SEMA4F: variants seen among roughly 807,000 people sequenced by gnomAD.
SEMA4F encodes semaphorin-4F.
Under a neutral mutation model 78.4 loss-of-function variants are expected in SEMA4F, and 51 were observed. That is an observed-to-expected ratio of 0.65 (90% CI 0.52 to 0.82). The LOEUF (loss-of-function observed/expected upper bound fraction) is 0.82. Ranked by LOEUF, SEMA4F falls within the 40% of genes least tolerant of loss-of-function variation. The probability of loss-of-function intolerance (pLI) is 0.00; values close to 1 mark genes in which losing one functional copy is unlikely to be tolerated. For missense variants in SEMA4F, 938 were observed against 1,014.4 expected, an observed-to-expected ratio of 0.92 and a Z score of 1.02; for synonymous variants, 418 against 408.7, an observed-to-expected ratio of 1.02 and a Z score of -0.27.
At chr2:74,670,497 A>G (rs539864018) in intron 5 of SEMA4F, among the ~76,000 whole-genome samples, 11 of 152,264 alleles carry the variant, frequency 7.2e-5, no homozygotes, top group Admixed American at 4.6e-4. Flanking sequence ...TGACTCCCAC[A>G]TTGGTCACTT....
rs141648593 is a variant in SEMA4F at position 74,680,554 on chromosome 2, T to C, written c.*345T>C. 1,793 of 192,388 alleles carry C rather than the reference T, an allele frequency of 9.3e-3. 10 individuals carry two copies. Among genetic ancestry groups the C allele is most frequent in the Non-Finnish European group, 0.013 (1,220 of 94,268 alleles). 11.9% of individuals were successfully genotyped at this position (192,388 alleles called of 1,614,324 possible). On this transcript the variant is annotated 3_prime_UTR_variant, in exon 14 of 14. Coordinates refer to ENST00000357877, the MANE Select transcript of SEMA4F (RefSeq NM_004263.5). ...GCATAGCTATGACTTTGCTTTCTGG[T>C]TGGAGCCTGGCCGGAAGGAAGAGCC...
chr2:74,693,523 A>G, the SEMA4F span, among the ~76,000 whole-genome samples: 1 of 152,186 alleles, frequency 6.6e-6, no homozygotes, highest in African/African-American at 2.4e-5. Context: ...AGAGGATAGG[A>G]TGGATGTTGA....
rs757298460 is a variant in SEMA4F at position 74,654,464 on chromosome 2, G to A, written c.88G>A (p.Gly30Ser). ...FPLLLLAVLS[G>S]PVSGRVPRSV... is the part of the protein sequence containing the mutation. ...GCTACTGCTGCTGGCGGTGCTGAGCGGCCCGGTATCCGGCCGCGTCCCCCG... is the reference window on the plus strand; with the variant it reads ...GCTACTGCTGCTGGCGGTGCTGAGCAGCCCGGTATCCGGCCGCGTCCCCCG... The change falls in exon 1 of 14, where the codon GGC becomes AGC. Residue 30 changes from glycine to serine, a missense_variant. Coordinates refer to ENST00000357877, the MANE Select transcript of SEMA4F (RefSeq NM_004263.5). 3 of 1,573,742 alleles carry A rather than the reference G, an allele frequency of 1.9e-6. No individual in the cohort carries two copies. The highest frequency in any genetic ancestry group is 2.6e-6 in the Non-Finnish European group (3 of 1,164,892).
At chr2:74,675,475 A>C in intron 10 of SEMA4F, 50 bp from the exon 11 acceptor site, 1 of 1,596,408 alleles carries the variant, frequency 6.3e-7, no homozygotes, top group Non-Finnish European at 8.6e-7. Flanking sequence ...TCTGAGTCCC[A>C]GGCACAGGGG....
intron 5 of SEMA4F, among the ~76,000 whole-genome samples, chr2:74,670,186 C>G (rs913885765): frequency 2.6e-5 from 4 of 152,160 alleles, no homozygotes; most frequent in African/African-American, 9.7e-5. Flanking sequence ...ATCACAATCA[C>G]AATATTTGGA....
chr2:74,683,790 T>A lies in SEMA4F; in HGVS notation c.*3581T>A, dbSNP rs1395887422. 1 of 152,160 alleles carries A rather than the reference T, an allele frequency of 6.6e-6. No individual in the cohort carries two copies. The highest frequency in any genetic ancestry group is 1.9e-4 in the East Asian group (1 of 5,198). The allele number at this position is 152,160 out of a possible 1,614,324, so 9.4% of individuals were successfully genotyped here. On this transcript the variant is annotated 3_prime_UTR_variant, in exon 14 of 14. Transcript: ENST00000357877. Reference sequence around the variant, plus strand: ...GGCTGAGATCAAATATCTCATCAGATGACTGGATGCTTAGAATCGGGTTAA... The same window carrying A: ...GGCTGAGATCAAATATCTCATCAGAAGACTGGATGCTTAGAATCGGGTTAA...
At chr2:74,707,962 T>C in the SEMA4F span, among the ~76,000 whole-genome samples, 21 of 152,052 alleles carry the variant, frequency 1.4e-4, no homozygotes, top group Admixed American at 1.4e-3. Context: ...TCTGCGAGGA[T>C]TAGAAGCAGC....
chr2:74,679,693 C>T lies in SEMA4F; in HGVS notation c.1797C>T (p.His599=). The T allele has an allele frequency of 3.1e-6, 5 of 1,614,048 alleles. No homozygotes were observed. The South Asian group carries it at 4.4e-5, about 14-fold the overall frequency. Residue 599 remains histidine, a synonymous_variant, in exon 14 of 14, where the codon CAC becomes CAT. Coordinates refer to ENST00000357877, the MANE Select transcript of SEMA4F (RefSeq NM_004263.5). ...CAGCATGGGCATCCTGTGTGTGGCA[C>T]CAGCCCAGTGGAGTGACTGCACTCA... is the stretch of plus-strand genomic sequence containing the variant. The part of the protein sequence containing the change: ...PSSAWASCVW[H]QPSGVTALTP...
chr2:74,680,408 A>G lies in SEMA4F; in HGVS notation c.*199A>G. On this transcript the variant is annotated 3_prime_UTR_variant, in exon 14 of 14. Transcript: ENST00000357877. Reference sequence around the variant, plus strand: ...GACCTTTGCCTGATTCCTGATTCCCATGAGAAATCAGAACTGCTTTCTGCA... The same window carrying G: ...GACCTTTGCCTGATTCCTGATTCCCGTGAGAAATCAGAACTGCTTTCTGCA... 1.8e-6 allele frequency: 1 copy of G among 556,380 alleles called. No homozygotes were observed. Among genetic ancestry groups the G allele is most frequent in the Non-Finnish European group, 3.0e-6 (1 of 332,956 alleles). 34.5% of individuals were successfully genotyped at this position (556,380 alleles called of 1,614,324 possible). A position where few individuals can be genotyped will look rare whatever the true frequency, so the allele number is the denominator to read the frequency against.
At chr2:74,694,034 G>GATAA in the SEMA4F span, among the ~76,000 whole-genome samples, 2 of 152,182 alleles carry the variant, frequency 1.3e-5, no homozygotes, top group African/African-American at 2.4e-5. Flanking sequence ...ATTACTAACA[G>GATAA]ATAAACTCTG....
chr2:74,686,936 A>G (rs563330652), downstream of SEMA4F, among the ~76,000 whole-genome samples: 1 of 152,110 alleles, frequency 6.6e-6, no homozygotes, highest in Non-Finnish European at 1.5e-5. Flanking sequence ...AAAAATGATG[A>G]GTTGATGGGT....
At chr2:74,673,850 C>T (rs776574949) in intron 7 of SEMA4F, 22 bp downstream of exon 7, 2 of 1,606,290 alleles carry the variant, frequency 1.2e-6, no homozygotes, top group Admixed American at 3.4e-5. Flanking sequence ...TCCCAGCTGT[C>T]TGTCTGTCAT....
In SEMA4F at chr2:74,680,108, G is replaced by T. The variant is rs1439682668; in HGVS notation, c.2212G>T (p.Gly738Cys). The change falls in exon 14 of 14, where the codon GGT (glycine) becomes TGT (cysteine). Residue 738 changes from glycine to cysteine, a missense_variant. By Grantham distance (159) the Gly-to-Cys change is radical (BLOSUM62 -3). Transcript: ENST00000357877. ...CCTGGCCAAGAGGGGCAGTGGCTTTGGTGGATTCTCACCACCCTTCCTGCT... is the reference window on the plus strand; with the variant it reads ...CCTGGCCAAGAGGGGCAGTGGCTTTTGTGGATTCTCACCACCCTTCCTGCT... ...LALAKRGSGF[G>C]GFSPPFLLDP... The T allele has an allele frequency of 9.3e-6, 15 of 1,613,644 alleles. No homozygotes were observed. Among genetic ancestry groups the T allele is most frequent in the South Asian group, 3.3e-5 (3 of 91,080 alleles).
intron 5 of SEMA4F, among the ~76,000 whole-genome samples, chr2:74,664,909 T>G (rs1455045853): frequency 3.3e-5 from 5 of 152,174 alleles, no homozygotes; most frequent in Non-Finnish European, 7.4e-5. Context: ...TTCTTAAAAA[T>G]TTTTTCCAAA....
At chr2:74,698,697 G>A in the SEMA4F span, among the ~76,000 whole-genome samples, 3 of 152,138 alleles carry the variant, frequency 2.0e-5, no homozygotes, top group African/African-American at 4.8e-5. Flanking sequence ...ATATAACTAA[G>A]TACAAATACC....
the SEMA4F span, among the ~76,000 whole-genome samples, chr2:74,697,834 G>C: frequency 1.3e-5 from 2 of 152,136 alleles, no homozygotes; most frequent in Non-Finnish European, 2.9e-5. Context: ...GCAGGGCCAG[G>C]GCAGCAGTAC....
downstream of SEMA4F, among the ~76,000 whole-genome samples, chr2:74,686,409 A>C (rs960584299): frequency 2.2e-4 from 34 of 152,194 alleles, no homozygotes; most frequent in African/African-American, 5.6e-4. Context: ...AAGAAATAGG[A>C]ACACTTTTAC....
rs1194819495 is a variant in SEMA4F at position 74,658,114 on chromosome 2, C to T, written c.456+163C>T. Reference sequence around the variant, plus strand: ...AAGCATTGGGTGTAGGGGCTGTCCTCATGGGATGAGGGTATGTGTAAGCCA... The same window carrying T: ...AAGCATTGGGTGTAGGGGCTGTCCTTATGGGATGAGGGTATGTGTAAGCCA... On this transcript the variant is annotated intron_variant, in intron 4 of 13. Transcript: ENST00000357877. This position sits in a 1 kb window ranked among gnomAD's most constrained non-coding sequence, Gnocchi z 4.3. Among the ~76,000 whole-genome samples, 1 of 151,976 alleles carries T rather than the reference C, an allele frequency of 6.6e-6. No homozygotes were observed. The highest frequency in any genetic ancestry group is 1.5e-5 in the Non-Finnish European group (1 of 67,976).
chr2:74,662,922 GTC>G, intron 5 of SEMA4F, 97 bp downstream of exon 5: 1 of 1,087,312 alleles, frequency 9.2e-7, no homozygotes, highest in Non-Finnish European at 1.4e-6. Context: ...ACCTTGGAAT[GTC>G]TATTATTCTC....
Sources: gnomAD v4.1 joint callset for allele counts (sites outside exome capture counted in the v4.1 genomes callset) on GRCh38, gnomAD v4.1.1 for gene constraint, Gnocchi (gnomAD v3.1) non-coding constraint, MANE v1.5 for transcripts, NCBI Gene and HGNC (gene_info 2026-07-23, HGNC 2026-07-21) for gene names.